CDH19: variants seen among roughly 807,000 people sequenced by gnomAD.
The protein encoded by CDH19 is cadherin 19.
CDH19 carries 67 observed loss-of-function variants against 64.2 expected under a neutral mutation model. The ratio of observed to expected loss-of-function variants is 1.04; its 90% confidence interval spans 0.86 to 1.28. CDH19 has a LOEUF of 1.28. Ranked by LOEUF, CDH19 falls within the 50% of genes most tolerant of loss-of-function variation. CDH19 has a pLI of 0.00. For synonymous variants in CDH19, 346 were observed against 319.3 expected, an observed-to-expected ratio of 1.08 and a Z score of -0.89; for missense variants, 1,030 against 929.0, an observed-to-expected ratio of 1.11 and a Z score of -1.41.
chr18:66,571,995 T>A lies in CDH19; in HGVS notation c.195+15A>T. 1 of 1,578,428 alleles carries A rather than the reference T, an allele frequency of 6.3e-7. No individual in the cohort carries two copies. Among genetic ancestry groups the A allele is most frequent in the Non-Finnish European group, 8.7e-7 (1 of 1,153,856 alleles). ...TGTTGTGCTATTTACTGTAACATTT[T>A]AAATAAATAAGTACCTGGCCGATGT... On this transcript the variant is annotated intron_variant, in intron 2 of 11. Transcript: ENST00000262150.
chr18:66,512,537 A>G (rs1296948135), intron 9 of CDH19, among the ~76,000 whole-genome samples: 1 of 151,536 alleles, frequency 6.6e-6, no homozygotes, highest in Non-Finnish European at 1.5e-5. Flanking sequence ...CCAGATTTAT[A>G]TTATACTTCA....
intron 1 of CDH19, chr18:66,596,206 T>C (rs1423808652): frequency 1.3e-5 from 2 of 152,054 alleles, no homozygotes; most frequent in African/African-American, 4.8e-5. Context: ...GCAAACATGA[T>C]ACTGAATGGG....
intron 1 of CDH19, among the ~76,000 whole-genome samples, chr18:66,577,883 A>G (rs1209288931): frequency 6.6e-6 from 1 of 151,900 alleles, no homozygotes; most frequent in Non-Finnish European, 1.5e-5. Flanking sequence ...CCAGCTTCTC[A>G]AAGTGTATTC....
At position 66,505,191 on chromosome 18, in the gene CDH19, C is replaced by T. The variant is rs1490297248; in HGVS notation, c.1940G>A (p.Gly647Glu). The change falls in exon 12 of 12, where the codon GGA (glycine) becomes GAA (glutamate). Residue 647 changes from glycine (G) to glutamate (E), a missense_variant. Physicochemically the swap from Gly to Glu is moderately conservative, Grantham distance 98. Coordinates refer to ENST00000262150, the MANE Select transcript of CDH19 (RefSeq NM_021153.4). ...ATCAAAGGCCTCTGTATCTTCTTCT[C>T]CACCCCCTTCATCATCATATTGGAA... ...NIFQYDDEGG[G>E]EEDTEAFDIA... 3 of 1,613,158 alleles carry T rather than the reference C, an allele frequency of 1.9e-6. No homozygotes were observed. Among genetic ancestry groups the T allele is most frequent in the Admixed American group, 1.7e-5 (1 of 59,936 alleles).
intron 9 of CDH19, among the ~76,000 whole-genome samples, chr18:66,523,119 C>T (rs1986065340): frequency 6.6e-6 from 1 of 152,100 alleles, no homozygotes. Flanking sequence ...ACTGACAATT[C>T]CATCTGTATT....
At chr18:66,570,692 T>C (rs577554501) in intron 2 of CDH19, among the ~76,000 whole-genome samples, 1 of 151,804 alleles carries the variant, frequency 6.6e-6, no homozygotes, top group African/African-American at 2.4e-5. Context: ...GAAAAACATT[T>C]TTCAGAGTAG....
At position 66,568,552 on chromosome 18, in the gene CDH19, C is replaced by A; in HGVS notation, c.354G>T (p.Gln118His). ...EERSLYILRA[Q>H]VIDIATGRAV... ...CCCTTCCAGTAGCGATGTCTATTAC[C>A]TGGGCTCTTAAGATGTAGAGGGATC... Residue 118 changes from glutamine to histidine, a missense_variant, in exon 3 of 12, where the codon CAG becomes CAT. Gln to His is a conservative substitution (Grantham distance 24, BLOSUM62 0). Transcript: ENST00000262150. 6.2e-7 allele frequency: 1 copy of A among 1,612,306 alleles called. No homozygotes were observed. Among genetic ancestry groups the A allele is most frequent in the African/African-American group, 1.3e-5 (1 of 74,844 alleles).
chr18:66,544,314 T>C, intron 6 of CDH19, 90 bp from the exon 7 acceptor site: 1 of 1,221,600 alleles, frequency 8.2e-7, no homozygotes, highest in African/African-American at 1.5e-5. Context: ...AAATTAAGTC[T>C]CAGTGGCCTT....
At chr18:66,505,485 A>AT (rs1012874438) in intron 11 of CDH19, among the ~76,000 whole-genome samples, 183 bp from the exon 12 acceptor site, 4 of 149,842 alleles carry the variant, frequency 2.7e-5, no homozygotes, top group African/African-American at 9.7e-5. Context: ...ATGTATCACG[A>AT]TTTTTCTGGC....
chr18:66,526,970 T>C (rs1352894682), intron 9 of CDH19, among the ~76,000 whole-genome samples: 3 of 151,826 alleles, frequency 2.0e-5, no homozygotes, highest in Admixed American at 1.3e-4. Flanking sequence ...ATAAGTGTTA[T>C]AAAGATAATT....
intron 9 of CDH19, among the ~76,000 whole-genome samples, chr18:66,529,367 T>C (rs190817698): frequency 2.1e-4 from 32 of 151,378 alleles, no homozygotes; most frequent in African/African-American, 7.2e-4. Context: ...ACCTATAGAA[T>C]TAATTTTTTT....
chr18:66,517,289 GGTAAAT>G (rs1326746755), intron 9 of CDH19, among the ~76,000 whole-genome samples: 2 of 151,872 alleles, frequency 1.3e-5, no homozygotes, highest in African/African-American at 4.8e-5. Flanking sequence ...ATGGAGACAA[GGTAAAT>G]GTCTTTAGAC....
intron 7 of CDH19, among the ~76,000 whole-genome samples, chr18:66,541,169 C>A (rs538255982): frequency 6.6e-6 from 1 of 151,988 alleles, no homozygotes; most frequent in Non-Finnish European, 1.5e-5. Context: ...CCACCCAAGA[C>A]GTGATGAAAC....
chr18:66,535,015 T>C lies in CDH19; in HGVS notation c.1307A>G (p.Tyr436Cys). The change falls in exon 8 of 12, where the codon TAC (tyrosine) becomes TGC (cysteine). Residue 436 changes from tyrosine to cysteine, a missense_variant. Coordinates refer to ENST00000262150, the MANE Select transcript of CDH19 (RefSeq NM_021153.4). ...TTCTGTGGCTGTAATACTTAGGTTG[T>C]ACCAAGCACTGATTTCACGATCCAG... is the stretch of plus-strand genomic sequence containing the variant. ...NSLDREISAW[Y>C]NLSITATEKY... The C allele has an allele frequency of 6.7e-7, 1 of 1,497,656 alleles. No homozygotes were observed. Among genetic ancestry groups the C allele is most frequent in the Non-Finnish European group, 9.0e-7 (1 of 1,106,420 alleles). The allele number at this position is 1,497,656 out of a possible 1,614,324, so 92.8% of individuals were successfully genotyped here.
At chr18:66,549,062 A>G (rs553782646) in intron 5 of CDH19, among the ~76,000 whole-genome samples, 7 of 152,252 alleles carry the variant, frequency 4.6e-5, no homozygotes, top group Admixed American at 4.6e-4. Context: ...CCCACAAGGG[A>G]AAACCATGTG....
chr18:66,562,705 CAG>C (rs1322347590), intron 3 of CDH19, among the ~76,000 whole-genome samples: 1 of 152,026 alleles, frequency 6.6e-6, no homozygotes. Flanking sequence ...ATTTTTATGA[CAG>C]AAAATTTTAG....
In CDH19 at chr18:66,504,971, G is replaced by C; in HGVS notation, c.2160C>G (p.Thr720=). ...ATGACCCTGTTCCCTCAAAAGCGTA[G>C]GTCTGGAGGGAATCAAAAGGAGGGG... is the stretch of plus-strand genomic sequence containing the variant. ...PCAPPFDSLQ[T]YAFEGTGSLA... The change falls in exon 12 of 12, where the codon ACC becomes ACG. Residue 720 remains threonine (T), a synonymous_variant. Transcript: ENST00000262150. 1.2e-6 allele frequency: 2 copies of C among 1,613,496 alleles called. No homozygotes were observed. Among genetic ancestry groups the C allele is most frequent in the Non-Finnish European group, 1.7e-6 (2 of 1,179,726 alleles).
At chr18:66,562,477 G>A (rs1987759218) in intron 3 of CDH19, among the ~76,000 whole-genome samples, 3 of 152,130 alleles carry the variant, frequency 2.0e-5, no homozygotes, top group South Asian at 4.1e-4. Context: ...ACCATGAGGA[G>A]CGGCTGTAAA....
intron 7 of CDH19, among the ~76,000 whole-genome samples, chr18:66,542,540 G>A (rs1391203587): frequency 6.6e-6 from 1 of 152,024 alleles, no homozygotes; most frequent in Non-Finnish European, 1.5e-5. Flanking sequence ...CATAGTAACT[G>A]AAAATAACAG....
Sources: allele counts gnomAD v4.1 joint callset (sites outside exome capture counted in the v4.1 genomes callset), GRCh38; gene constraint gnomAD v4.1.1; transcripts MANE v1.5; gene names NCBI Gene and HGNC (gene_info 2026-07-23, HGNC 2026-07-21).